Variants in SF3B1 observed in about 807,000 individuals in gnomAD.
SF3B1 encodes the protein splicing factor 3b subunit 1, also known as pre-mRNA processing 10.
SF3B1 carries 12 observed loss-of-function variants against 153.8 expected under a neutral mutation model. The ratio of observed to expected loss-of-function variants is 0.08; its 90% CI spans 0.05 to 0.13. SF3B1 has a LOEUF of 0.13. Ranked by LOEUF, SF3B1 falls within the 10% of genes least tolerant of loss-of-function variation. The pLI is 1.00. For missense variants in SF3B1, 513 were observed against 1,606.1 expected, an observed-to-expected ratio of 0.32 and a Z score of 11.63; for synonymous variants, 498 against 525.2, an observed-to-expected ratio of 0.95 and a Z score of 0.71.
Position 197,418,519 on chromosome 2 carries a change from G to C in SF3B1, c.485C>G (p.Thr162Ser), listed in dbSNP as rs1340721089. ...YMDVMREQHLTKEEREIRQQL... is the reference protein window; with the variant it reads ...YMDVMREQHLSKEEREIRQQL... ...GACAGGTTTACATACTTCTTCTTTA[G>C]TCAAGTGTTGTTCTCGCATTACATC... is the stretch of plus-strand genomic sequence containing the variant. Residue 162 changes from threonine (T) to serine (S), a missense_variant, in exon 5 of 25, where the codon ACT becomes AGT. Thr to Ser is a moderately conservative substitution (Grantham distance 58, BLOSUM62 1). Transcript: ENST00000335508. 1 of 1,609,644 alleles carries C rather than the reference G, an allele frequency of 6.2e-7. No individual in the cohort carries two copies. The highest frequency in any genetic ancestry group is 8.5e-7 in the Non-Finnish European group (1 of 1,176,546).
intron 1 of SF3B1, among the ~76,000 whole-genome samples, chr2:197,428,631 C>T (rs566323690): frequency 3.9e-5 from 6 of 152,294 alleles, no homozygotes; most frequent in African/African-American, 9.6e-5. Flanking sequence ...CGGTGGCTCA[C>T]GCCTGTAATC....
chr2:197,398,346 G>T, intron 21 of SF3B1, 115 bp downstream of exon 21: 2 of 1,143,154 alleles, frequency 1.7e-6, no homozygotes, highest in Non-Finnish European at 2.6e-6. Flanking sequence ...ATACTGGATA[G>T]CCTAATCTTT....
chr2:197,430,855 C>T (rs1389812519), intron 1 of SF3B1, among the ~76,000 whole-genome samples: 1 of 151,670 alleles, frequency 6.6e-6, no homozygotes, highest in African/African-American at 2.4e-5. Flanking sequence ...TGGAGTATAG[C>T]GCCAGCCGCT....
upstream of SF3B1, chr2:197,435,067 G>C (rs1054907331): frequency 3.7e-6 from 6 of 1,612,526 alleles, no homozygotes; most frequent in African/African-American, 5.3e-5. Flanking sequence ...CGCCGCCACG[G>C]AGAAAAATAG....
At chr2:197,404,796 A>ATTT (rs2084972289) in intron 11 of SF3B1, 1 of 226,096 alleles carries the variant, frequency 4.4e-6, no homozygotes, top group African/African-American at 2.3e-5. Flanking sequence ...GAGTAAAGGA[A>ATTT]AGACCACACT....
chr2:197,402,761 G>A lies in SF3B1; in HGVS notation c.1872C>T (p.Val624=), dbSNP rs1187546152. The change falls in exon 14 of 25, where the codon GTC becomes GTT. Residue 624 remains valine (V), a synonymous_variant. Coordinates refer to ENST00000335508, the MANE Select transcript of SF3B1 (RefSeq NM_012433.4). This position sits in a 1 kb window ranked among gnomAD's most constrained non-coding sequence, Gnocchi z 4.6. ...RPDIDNMDEY[V]RNTTARAFAV... ...CAAAAGCTCTAGCTGTTGTGTTACG[G>A]ACATACTCATCCATGTTATCTATAT... 3 of 1,613,916 alleles carry A rather than the reference G, an allele frequency of 1.9e-6. No homozygotes were observed. In the African/African-American group the frequency reaches 4.0e-5, roughly 22 times the overall value.
chr2:197,414,400 T>C (rs1385372746), intron 6 of SF3B1, among the ~76,000 whole-genome samples: 2 of 152,074 alleles, frequency 1.3e-5, no homozygotes, highest in Non-Finnish European at 2.9e-5. Context: ...TCAGCACTAC[T>C]ATAACACCCC....
rs1553564184 is a variant in SF3B1 at position 197,405,476 on chromosome 2, A to T, written c.1240-4T>A. 20 of 1,596,094 alleles carry T rather than the reference A, an allele frequency of 1.3e-5. No homozygotes were observed. In the South Asian group the frequency reaches 2.1e-4, roughly 17 times the overall value. Reference sequence around the variant, plus strand: ...AACCAGCTGGAGGAGGAAGTACCTAATAAAAGTTATAAGACAGTTTAGGAT... The same window carrying T: ...AACCAGCTGGAGGAGGAAGTACCTATTAAAAGTTATAAGACAGTTTAGGAT... On this transcript the variant is annotated splice_region_variant and splice_polypyrimidine_tract_variant and intron_variant, in intron 9 of 24. Transcript: ENST00000335508.
At chr2:197,425,223 C>T (rs915675524) in intron 1 of SF3B1, among the ~76,000 whole-genome samples, 5 of 152,086 alleles carry the variant, frequency 3.3e-5, no homozygotes, top group African/African-American at 4.8e-5. Flanking sequence ...CCCAGCACTT[C>T]GGGAGGCCGA....
chr2:197,426,571 A>G (rs2085340050), intron 1 of SF3B1, among the ~76,000 whole-genome samples: 1 of 152,190 alleles, frequency 6.6e-6, no homozygotes, highest in Non-Finnish European at 1.5e-5. Flanking sequence ...AAACAAATGG[A>G]TGAATCAGGA....
rs2084977706 is a variant in SF3B1, at chr2:197,405,264, G to A, written c.1437+11C>T. ...CACAATTAATAGTTTATTTCTGCTA[G>A]TATCACTTACCAATAGTTTATCAAA... On this transcript the variant is annotated intron_variant, in intron 10 of 24. Transcript: ENST00000335508. 1 of 1,599,692 alleles carries A rather than the reference G, an allele frequency of 6.3e-7. No homozygotes were observed. The highest frequency in any genetic ancestry group is 8.6e-7 in the Non-Finnish European group (1 of 1,167,208).
chr2:197,404,297 C>T (rs193259336), intron 11 of SF3B1, among the ~76,000 whole-genome samples: 7 of 152,136 alleles, frequency 4.6e-5, no homozygotes, highest in Non-Finnish European at 7.4e-5. Context: ...TAAAAACAAA[C>T]GGCTGGGCAT....
chr2:197,397,941 T>C (rs1389483612), intron 22 of SF3B1, 44 bp downstream of exon 22: 1 of 1,470,196 alleles, frequency 6.8e-7, no homozygotes, highest in East Asian at 2.4e-5. Flanking sequence ...ACAATGCATT[T>C]ATTATAAAGT....
At chr2:197,407,822 A>G (rs2085014618) in intron 9 of SF3B1, 176 bp downstream of exon 9, 1 of 534,170 alleles carries the variant, frequency 1.9e-6, no homozygotes. Flanking sequence ...TAAAAGTTTC[A>G]TGTTGTTCAT....
At chr2:197,403,097 T>A in intron 12 of SF3B1, 62 bp from the exon 13 acceptor site, 2 of 1,202,016 alleles carry the variant, frequency 1.7e-6, no homozygotes, top group Non-Finnish European at 2.4e-6. Flanking sequence ...AATGCTCATG[T>A]ACAGAATTAA....
chr2:197,408,144 A>G (rs2085019014), intron 8 of SF3B1, 25 bp from the exon 9 acceptor site: 4 of 1,582,698 alleles, frequency 2.5e-6, no homozygotes, highest in Non-Finnish European at 3.5e-6. Flanking sequence ...AAATTTTTAT[A>G]TAATCTATAG....
chr2:197,409,051 A>G (rs929563419), intron 7 of SF3B1, among the ~76,000 whole-genome samples: 1 of 152,180 alleles, frequency 6.6e-6, no homozygotes, highest in Non-Finnish European at 1.5e-5. Flanking sequence ...TGAAACCAGG[A>G]GTTCAACACC....
At position 197,391,755 on chromosome 2, in the gene SF3B1, T is replaced by C. The variant is rs1413238112; in HGVS notation, c.*548A>G. 3 of 153,426 alleles carry C rather than the reference T, an allele frequency of 2.0e-5. No homozygotes were observed. The highest frequency in any genetic ancestry group is 4.4e-5 in the Non-Finnish European group (3 of 68,734). The allele number at this position is 153,426 out of a possible 1,614,324, so 9.5% of individuals were successfully genotyped here. A position where few individuals can be genotyped will look rare whatever the true frequency, so the allele number is the denominator to read the frequency against. On this transcript the variant is annotated 3_prime_UTR_variant, in exon 25 of 25. Transcript: ENST00000335508. ...ACGATGATGGAATGGTTGTGCTAGT[T>C]TGAGGGGAACATCCCCTGAGGCTAC...
chr2:197,420,344 G>A, intron 4 of SF3B1, 84 bp downstream of exon 4: 2 of 995,208 alleles, frequency 2.0e-6, no homozygotes, highest in Admixed American at 1.9e-5. Context: ...AAATTCAGAA[G>A]CATGCCAAAA....
Sources: allele counts gnomAD v4.1 joint callset (sites outside exome capture counted in the v4.1 genomes callset), GRCh38; gene constraint gnomAD v4.1.1; non-coding constraint Gnocchi (gnomAD v3.1); transcripts MANE v1.5; gene names NCBI Gene and HGNC (gene_info 2026-07-23, HGNC 2026-07-21).